Variants in ADAMTS17 observed in about 807,000 individuals in gnomAD.
ADAMTS17 encodes the protein A disintegrin and metalloproteinase with thrombospondin motifs 17.
ADAMTS17 carries 113 observed loss-of-function variants against 141.5 expected under a neutral mutation model. That is an observed-to-expected ratio of 0.80 (90% CI 0.69 to 0.93). ADAMTS17 has a LOEUF of 0.93. Ranked by LOEUF, ADAMTS17 falls within the 40% of genes least tolerant of loss-of-function variation. ADAMTS17 has a pLI of 0.00. For synonymous variants in ADAMTS17, 768 were observed against 630.6 expected (o/e 1.22, Z -3.27); for missense variants, 1,659 against 1,517.9 (o/e 1.09, Z -1.54).
intron 14 of ADAMTS17, among the ~76,000 whole-genome samples, chr15:100,100,221 T>C (rs1334598566): frequency 1.3e-5 from 2 of 152,234 alleles, no homozygotes; most frequent in Non-Finnish European, 2.9e-5. Context: ...GGATGGCTCC[T>C]GTCTGATTCT....
intron 7 of ADAMTS17, among the ~76,000 whole-genome samples, 189 bp from the exon 8 acceptor site, chr15:100,199,612 C>T (rs2041246134): frequency 6.6e-6 from 1 of 152,176 alleles, no homozygotes. Context: ...AAACAATAAC[C>T]ACCGCAAGCA....
chr15:99,975,357 A>G (rs2573653), intron 21 of ADAMTS17, among the ~76,000 whole-genome samples: 102,054 of 151,788 alleles, frequency 0.67, 34,604 homozygotes, highest in Non-Finnish European at 0.71. Context: ...CTACAGGCAC[A>G]CGCCACCACG....
chr15:100,095,576 G>A (rs1369430385), intron 15 of ADAMTS17, among the ~76,000 whole-genome samples: 1 of 152,200 alleles, frequency 6.6e-6, no homozygotes, highest in Non-Finnish European at 1.5e-5. Flanking sequence ...CCCAACACAA[G>A]TTCTCCTGGT....
At chr15:100,236,300 A>AAAAC (rs1555490208) in intron 7 of ADAMTS17, among the ~76,000 whole-genome samples, 3 of 148,344 alleles carry the variant, frequency 2.0e-5, no homozygotes, top group Non-Finnish European at 1.5e-5. Context: ...AAAAAAAAAA[A>AAAAC]CCCTAACAAG....
chr15:99,976,252 T>G (rs929615885), intron 20 of ADAMTS17, 30 bp from the exon 21 acceptor site: 4 of 1,537,918 alleles, frequency 2.6e-6, no homozygotes, highest in Non-Finnish European at 3.5e-6. Flanking sequence ...TGAGTGGGGC[T>G]GACATGAGGT....
chr15:100,097,055 C>G (rs1392128542), intron 14 of ADAMTS17, among the ~76,000 whole-genome samples: 1 of 152,188 alleles, frequency 6.6e-6, no homozygotes, highest in African/African-American at 2.4e-5. Flanking sequence ...TCTCTCATAC[C>G]TTTTCAACAA....
chr15:100,213,152 C>A (rs1175155001), intron 7 of ADAMTS17, among the ~76,000 whole-genome samples: 2 of 152,202 alleles, frequency 1.3e-5, no homozygotes, highest in East Asian at 3.9e-4. Flanking sequence ...GTTCCCTGGT[C>A]CCAACTGCAG....
chr15:99,982,643 T>C (rs1395724458), intron 20 of ADAMTS17, among the ~76,000 whole-genome samples: 1 of 152,208 alleles, frequency 6.6e-6, no homozygotes, highest in Non-Finnish European at 1.5e-5. Context: ...GCTTTAATCA[T>C]CCAAGCAAAC....
rs566856151 is a variant in ADAMTS17, at chr15:100,265,418, A to C, written c.790-2983T>G. Among the ~76,000 whole-genome samples the C allele has an allele frequency of 2.0e-5, 3 of 152,308 alleles. No homozygotes were observed. The East Asian group carries it at 5.8e-4, about 29-fold the overall frequency. ...GGGAACAGCGCAGCCAAGCGTCTGG[A>C]AATTCCGTCTCCGGCGTCCAGCTCT... On this transcript the variant is annotated intron_variant, in intron 4 of 21. Transcript: ENST00000268070.
chr15:99,985,839 C>T (rs937604991), intron 20 of ADAMTS17, among the ~76,000 whole-genome samples: 27 of 152,196 alleles, frequency 1.8e-4, no homozygotes, highest in Admixed American at 1.5e-3. Context: ...GCAAATGTCA[C>T]GGGCCAATAT....
intron 15 of ADAMTS17, among the ~76,000 whole-genome samples, chr15:100,058,691 G>A (rs532285295): frequency 3.3e-5 from 5 of 152,328 alleles, no homozygotes; most frequent in Middle Eastern, 3.4e-3. Flanking sequence ...ACTACAGCAC[G>A]AGGTGGAGAT....
intron 10 of ADAMTS17, among the ~76,000 whole-genome samples, chr15:100,140,050 C>T (rs2038545754): frequency 1.3e-5 from 2 of 152,114 alleles, no homozygotes; most frequent in African/African-American, 4.8e-5. Flanking sequence ...GGCTGGAGTG[C>T]AGTGGTGCAA....
intron 8 of ADAMTS17, among the ~76,000 whole-genome samples, chr15:100,187,956 C>T (rs117935677): frequency 0.02 from 3,112 of 152,252 alleles, 42 homozygotes; most frequent in Non-Finnish European, 0.032. Flanking sequence ...GGATGGTGTG[C>T]GACTGTAGTC....
intron 20 of ADAMTS17, among the ~76,000 whole-genome samples, chr15:99,978,050 A>T (rs929520482): frequency 1.3e-5 from 2 of 152,206 alleles, no homozygotes; most frequent in African/African-American, 4.8e-5. Context: ...TGTTCTCTGA[A>T]TGCCACACGT....
intron 10 of ADAMTS17, among the ~76,000 whole-genome samples, chr15:100,146,488 T>C (rs1463342765): frequency 6.6e-6 from 1 of 152,252 alleles, no homozygotes; most frequent in African/African-American, 2.4e-5. Flanking sequence ...TCCTGTCAGC[T>C]GAGGAAGATG....
At chr15:100,077,534 T>C (rs1038089162) in intron 15 of ADAMTS17, among the ~76,000 whole-genome samples, 2 of 151,312 alleles carry the variant, frequency 1.3e-5, no homozygotes, top group African/African-American at 2.4e-5. Flanking sequence ...ATCATCTCAA[T>C]AGGTGCAGGA....
chr15:100,312,399 CT>C (rs1199506624), intron 3 of ADAMTS17, among the ~76,000 whole-genome samples: 2 of 152,186 alleles, frequency 1.3e-5, no homozygotes, highest in African/African-American at 4.8e-5. Context: ...AGATTCTCCC[CT>C]GGAACCTCCA....
intron 18 of ADAMTS17, among the ~76,000 whole-genome samples, chr15:100,043,894 T>C (rs1351174524): frequency 6.6e-6 from 1 of 152,262 alleles, no homozygotes; most frequent in African/African-American, 2.4e-5. Flanking sequence ...CTGAACTTTC[T>C]GTAGCAATAC....
At chr15:100,153,415 T>C (rs1320603177) in intron 9 of ADAMTS17, among the ~76,000 whole-genome samples, 8 of 150,842 alleles carry the variant, frequency 5.3e-5, no homozygotes, top group Non-Finnish European at 8.9e-5. Flanking sequence ...CTGAGGTGGG[T>C]GGATCACTTG....
Sources: gnomAD v4.1 joint callset for allele counts (sites outside exome capture counted in the v4.1 genomes callset) on GRCh38, gnomAD v4.1.1 for gene constraint, MANE v1.5 for transcripts, NCBI Gene and HGNC (gene_info 2026-07-23, HGNC 2026-07-21) for gene names.